The following EXOSC2 variants were observed in gnomAD, a reference collection of about 807,000 sequenced individuals.
EXOSC2 encodes the protein exosome component 2, also known as exosome complex component RRP4.
A neutral mutation model predicts 37.6 loss-of-function variants in EXOSC2; 29 were observed. The observed-to-expected ratio is 0.77, with a 90% CI of 0.57 to 1.05. The LOEUF (loss-of-function observed/expected upper bound fraction) is 1.05, where lower values mean the gene tolerates loss of function less well. EXOSC2 is among the 50% of genes least tolerant of loss of function. The pLI, the probability that EXOSC2 is intolerant of heterozygous loss-of-function variation, is 0.00. For missense variants in EXOSC2, 346 were observed against 365.6 expected (o/e 0.95, Z 0.44); for synonymous variants, 119 against 131.1 (o/e 0.91, Z 0.63).
At position 130,701,157 on chromosome 9, in the gene EXOSC2, T is replaced by C. The variant is rs1831207758; in HGVS notation, c.495+222T>C. The C allele has an allele frequency of 8.4e-6, 4 of 474,034 alleles. No individual in the cohort carries two copies. The East Asian group carries it at 1.2e-4, about 14-fold the overall frequency. The allele number at this position is 474,034 out of a possible 1,614,324, so 29.4% of individuals were successfully genotyped here. ...CCTTGTAAAGAACAAGTTTTATCCT[T>C]TTTCTCCAAGGAGACTGACTTTCAC... On this transcript the variant is annotated intron_variant, in intron 6 of 8. Transcript: ENST00000372358.
chr9:130,703,412 T>C (rs1831261942), intron 8 of EXOSC2, among the ~76,000 whole-genome samples: 1 of 152,214 alleles, frequency 6.6e-6, no homozygotes, highest in Non-Finnish European at 1.5e-5. Flanking sequence ...GTGGGACTAG[T>C]TTATGAGAGC....
intron 6 of EXOSC2, 109 bp from the exon 7 acceptor site, chr9:130,702,025 A>C (rs1831226703): frequency 6.8e-7 from 1 of 1,469,036 alleles, no homozygotes; most frequent in South Asian, 1.4e-5. Context: ...AGCAATTATA[A>C]ACAGGAAGGA....
intron 2 of EXOSC2, among the ~76,000 whole-genome samples, chr9:130,696,921 G>A (rs1231538276): frequency 6.6e-6 from 1 of 152,142 alleles, no homozygotes; most frequent in African/African-American, 2.4e-5. Context: ...GACTGGAGGG[G>A]GCTGCGGGAA....
chr9:130,697,519 G>A (rs1831121523), intron 2 of EXOSC2, 63 bp from the exon 3 acceptor site: 4 of 1,508,504 alleles, frequency 2.7e-6, no homozygotes, highest in Middle Eastern at 3.4e-4. Flanking sequence ...ATCTCAAATG[G>A]TGTGTGGTCT....
chr9:130,703,102 T>A lies in EXOSC2; in HGVS notation c.722T>A (p.Ile241Asn). The change falls in exon 8 of 9, where the codon ATC (isoleucine) becomes AAC (asparagine). Residue 241 changes from isoleucine (I) to asparagine (N), a missense_variant. Transcript: ENST00000372358. ...REVISRLRNC[I>N]ISLVTQRMML... The stretch of plus-strand genomic sequence containing the variant: ...GTGATATCCCGGCTTCGGAACTGCA[T>A]CATCTCGCTGGTAACTCAGAGGATG... 6.2e-7 allele frequency: 1 copy of A among 1,614,088 alleles called. No homozygotes were observed. The highest frequency in any genetic ancestry group is 8.5e-7 in the Non-Finnish European group (1 of 1,180,006).
At chr9:130,703,282 C>T (rs1248955601) in intron 8 of EXOSC2, 101 bp downstream of exon 8, 13 of 1,380,694 alleles carry the variant, frequency 9.4e-6, no homozygotes, top group Admixed American at 6.5e-5. Context: ...TCCCAACATC[C>T]GTCAGTATGA....
Position 130,694,385 on chromosome 9 carries a change from G to A in EXOSC2, c.122+472G>A, listed in dbSNP as rs1454328571. On this transcript the variant is annotated intron_variant, in intron 1 of 8. Transcript: ENST00000372358. The surrounding 1 kb of genome is among the most constrained non-coding windows in gnomAD (Gnocchi z 4.0). ...TATACACATTTTGAATCTAAGGGGT[G>A]TAGTGCAGTGTATTGTGGTTAAGAG... 6.6e-6 allele frequency among the ~76,000 whole-genome samples: 1 copy of A among 152,170 alleles called. No individual in the cohort carries two copies. Among genetic ancestry groups the A allele is most frequent in the Non-Finnish European group, 1.5e-5 (1 of 68,044 alleles).
In EXOSC2 at chr9:130,694,757, C is replaced by T. The variant is rs73551887; in HGVS notation, c.123-735C>T. 0.046 allele frequency among the ~76,000 whole-genome samples: 6,929 copies of T among 152,116 alleles called. 264 individuals carry two copies. Among genetic ancestry groups the T allele is most frequent in the African/African-American group, 0.11 (4,613 of 41,462 alleles). ...TTTTGAGACGGAGTCTGTCTTAGAT[C>T]AGTCGTGCGATCTCGGCTCACTGCA... On this transcript the variant is annotated intron_variant, in intron 1 of 8. Transcript: ENST00000372358. This position sits in a 1 kb window ranked among gnomAD's most constrained non-coding sequence, Gnocchi z 4.0.
Position 130,698,114 on chromosome 9 carries a change from GAC to G in EXOSC2, c.271-44_271-43del. On this transcript the variant is annotated intron_variant, in intron 3 of 8. Coordinates refer to ENST00000372358, the MANE Select transcript of EXOSC2 (RefSeq NM_014285.7). This position sits in a 1 kb window ranked among gnomAD's most constrained non-coding sequence, Gnocchi z 4.1. ...TGGCCTTACTGGTTATTTATGATAT[GAC>G]ACATGAACATGGAGCATGTGTCCAG... 6.4e-7 allele frequency: 1 copy of G among 1,562,960 alleles called. No individual in the cohort carries two copies. Among genetic ancestry groups the G allele is most frequent in the Non-Finnish European group, 8.8e-7 (1 of 1,134,012 alleles).
At chr9:130,695,698 ATGC>A (rs748348020) in intron 2 of EXOSC2, 105 bp downstream of exon 2, 28 of 925,980 alleles carry the variant, frequency 3.0e-5, no homozygotes, top group Non-Finnish European at 4.8e-5. Context: ...CTGCCCTGTC[ATGC>A]TGTAAGTCTG....
At chr9:130,699,196 C>T (rs796404579) in intron 4 of EXOSC2, 133 bp from the exon 5 acceptor site, 1 of 881,938 alleles carries the variant, frequency 1.1e-6, no homozygotes, top group East Asian at 2.4e-5. Flanking sequence ...CTTGGGTTAC[C>T]TACTCTTGCT....
rs1394551393 is a variant in EXOSC2, at chr9:130,694,811, T to G, written c.123-681T>G. On this transcript the variant is annotated intron_variant, in intron 1 of 8. Transcript: ENST00000372358. This position sits in a 1 kb window ranked among gnomAD's most constrained non-coding sequence, Gnocchi z 4.0. ...TCTGCCTCCTGGGTTCAAGTGATTC[T>G]CCTGCCTCAGCCTCCTGAGTAGCTG... 6.6e-6 allele frequency among the ~76,000 whole-genome samples: 1 copy of G among 151,908 alleles called. No homozygotes were observed. Among genetic ancestry groups the G allele is most frequent in the East Asian group, 1.9e-4 (1 of 5,176 alleles).
rs541471347 is a variant in EXOSC2 at position 130,694,093 on chromosome 9, C to T, written c.122+180C>T. 3.3e-5 allele frequency among the ~76,000 whole-genome samples: 5 copies of T among 152,182 alleles called. No individual in the cohort carries two copies. The South Asian group carries it at 8.3e-4, about 25-fold the overall frequency. On this transcript the variant is annotated intron_variant, in intron 1 of 8. Coordinates refer to ENST00000372358, the MANE Select transcript of EXOSC2 (RefSeq NM_014285.7). The surrounding 1 kb of genome is among the most constrained non-coding windows in gnomAD (Gnocchi z 4.0). ...TTCTTGCTCCCTGCATCTTGTGTGT[C>T]CCCGTCTGCATTTGTCTCAGCTCCC...
intron 3 of EXOSC2, 171 bp downstream of exon 3, chr9:130,697,798 GTT>G (rs369300595): frequency 1.2e-3 from 634 of 515,354 alleles, no homozygotes; most frequent in East Asian, 1.6e-3. Context: ...ACTGGTTCAT[GTT>G]TTTTTTTTTT....
chr9:130,698,352 C>A lies in EXOSC2; in HGVS notation c.360+101C>A. The stretch of plus-strand genomic sequence containing the variant: ...AGGACTTTGATTTACACTGAGGTTG[C>A]CCCTTTGACTCCTGTTTGTCTGCTG... On this transcript the variant is annotated intron_variant, in intron 4 of 8. Transcript: ENST00000372358. The surrounding 1 kb of genome is among the most constrained non-coding windows in gnomAD (Gnocchi z 4.1). 1.0e-6 allele frequency: 1 copy of A among 1,004,752 alleles called. No homozygotes were observed. The allele number at this position is 1,004,752 out of a possible 1,614,324, so 62.2% of individuals were successfully genotyped here.
Position 130,698,125 on chromosome 9 carries a change from A to G in EXOSC2, c.271-37A>G, listed in dbSNP as rs1305225862. On this transcript the variant is annotated intron_variant, in intron 3 of 8. Transcript: ENST00000372358. The surrounding 1 kb of genome is among the most constrained non-coding windows in gnomAD (Gnocchi z 4.1). The stretch of plus-strand genomic sequence containing the variant: ...GTTATTTATGATATGACACATGAAC[A>G]TGGAGCATGTGTCCAGGTGTGGAAC... The G allele has an allele frequency of 2.6e-6, 4 of 1,561,484 alleles. No individual in the cohort carries two copies. The African/African-American group carries it at 4.1e-5, about 16-fold the overall frequency.
intron 7 of EXOSC2, 110 bp downstream of exon 7, chr9:130,702,420 G>T (rs770147285): frequency 3.6e-6 from 3 of 837,322 alleles, no homozygotes; most frequent in Non-Finnish European, 5.6e-6. Flanking sequence ...GGTGTAGGCT[G>T]AGTCACTTTG....
rs775204367 is a variant in EXOSC2, at chr9:130,698,288, G to A, written c.360+37G>A. The A allele has an allele frequency of 1.3e-6, 2 of 1,583,642 alleles. No homozygotes were observed. The highest frequency in any genetic ancestry group is 8.7e-7 in the Non-Finnish European group (1 of 1,153,640). On this transcript the variant is annotated intron_variant, in intron 4 of 8. Transcript: ENST00000372358. This position sits in a 1 kb window ranked among gnomAD's most constrained non-coding sequence, Gnocchi z 4.1. ...AGCTGGGGCCATGGACTAGGGCCCA[G>A]TGGGCTGGGGGGAGCCGTGGGACCC...
chr9:130,695,382 C>G (rs548222813), intron 1 of EXOSC2, 110 bp from the exon 2 acceptor site: 1 of 906,832 alleles, frequency 1.1e-6, no homozygotes, highest in South Asian at 1.4e-5. Context: ...ACAGAAGCCA[C>G]GCTTTGCAGG....
Sources: allele counts gnomAD v4.1 joint callset (sites outside exome capture counted in the v4.1 genomes callset), GRCh38; gene constraint gnomAD v4.1.1; non-coding constraint Gnocchi (gnomAD v3.1); transcripts MANE v1.5; gene names NCBI Gene and HGNC (gene_info 2026-07-23, HGNC 2026-07-21).